Variants in CDKAL1 observed in about 807,000 individuals in gnomAD.
CDKAL1 encodes CDKAL1 threonylcarbamoyladenosine tRNA methylthiotransferase.
In CDKAL1, 32 loss-of-function variants were observed where a neutral mutation model predicts 68.2. The observed-to-expected ratio is 0.47, with a 90% CI of 0.35 to 0.63. The LOEUF is 0.63. CDKAL1 is among the 30% of genes least tolerant of loss of function. The pLI, the probability that CDKAL1 is intolerant of heterozygous loss-of-function variation, is 0.00. For missense variants in CDKAL1, 606 were observed against 696.7 expected (o/e 0.87, Z 1.47); for synonymous variants, 234 against 244.3 (o/e 0.96, Z 0.39).
chr6:20,733,318 A>G (rs966261257), intron 5 of CDKAL1, among the ~76,000 whole-genome samples: 1 of 152,158 alleles, frequency 6.6e-6, no homozygotes, highest in East Asian at 1.9e-4. Flanking sequence ...TAAACTGTGA[A>G]CTTTAGATCA....
intron 11 of CDKAL1, among the ~76,000 whole-genome samples, chr6:21,039,453 G>A (rs1265239370): frequency 6.6e-6 from 1 of 152,102 alleles, no homozygotes; most frequent in African/African-American, 2.4e-5. Context: ...TCTTGTTTCT[G>A]TACTGTTAAC....
At chr6:20,807,494 T>A (rs1401832129) in intron 8 of CDKAL1, among the ~76,000 whole-genome samples, 1 of 152,230 alleles carries the variant, frequency 6.6e-6, no homozygotes, top group Non-Finnish European at 1.5e-5. Flanking sequence ...GTGCTGGGAC[T>A]ACAGGCGCAA....
chr6:20,556,572 A>G (rs1764051013), intron 4 of CDKAL1, among the ~76,000 whole-genome samples: 1 of 152,176 alleles, frequency 6.6e-6, no homozygotes, highest in Non-Finnish European at 1.5e-5. Flanking sequence ...TTCTACACAT[A>G]ACTCTTTAAT....
intron 4 of CDKAL1, among the ~76,000 whole-genome samples, chr6:20,583,321 T>C (rs1765211475): frequency 6.6e-6 from 1 of 152,236 alleles, no homozygotes; most frequent in African/African-American, 2.4e-5. Context: ...TAATCAGTAT[T>C]GATGTCTTCA....
rs566969368 is a variant in CDKAL1 at position 20,895,813 on chromosome 6, G to A, written c.742+49635G>A. Among the ~76,000 whole-genome samples the A allele has an allele frequency of 4.2e-4, 64 of 152,160 alleles. 1 individual carries two copies. In the South Asian group the frequency reaches 0.012, roughly 30 times the overall value. The stretch of plus-strand genomic sequence containing the variant: ...CATACCCAAAAACATGTCCAGTTGC[G>A]TGATTACTATGGCAATATGCATATT... On this transcript the variant is annotated intron_variant, in intron 9 of 15. Coordinates refer to ENST00000274695, the MANE Select transcript of CDKAL1 (RefSeq NM_017774.3).
At position 20,852,421 on chromosome 6, in the gene CDKAL1, G is replaced by T. The variant is rs183662663; in HGVS notation, c.742+6243G>T. ...TATAGTAGAAATGTTTTTGACTAAT[G>T]ATAGAAATTGAAGATATATTTTCTA... On this transcript the variant is annotated intron_variant, in intron 9 of 15. Transcript: ENST00000274695. Among the ~76,000 whole-genome samples, 6 of 152,300 alleles carry T rather than the reference G, an allele frequency of 3.9e-5. No homozygotes were observed. The East Asian group carries it at 9.6e-4, about 24-fold the overall frequency.
intron 10 of CDKAL1, among the ~76,000 whole-genome samples, chr6:20,988,803 C>T (rs910105238): frequency 5.4e-5 from 8 of 147,744 alleles, no homozygotes; most frequent in Non-Finnish European, 1.2e-4. Context: ...GCACGCACCA[C>T]CACTCCCAGT....
chr6:21,218,085 A>G (rs1371040427), intron 15 of CDKAL1, among the ~76,000 whole-genome samples: 7 of 152,244 alleles, frequency 4.6e-5, no homozygotes, highest in African/African-American at 1.7e-4. Context: ...CCTTGTGGTT[A>G]GAAAGGTTTT....
intron 4 of CDKAL1, among the ~76,000 whole-genome samples, chr6:20,572,906 G>A (rs1025661648): frequency 6.6e-6 from 1 of 152,096 alleles, no homozygotes; most frequent in African/African-American, 2.4e-5. Flanking sequence ...CAGATATAGT[G>A]TATGTTTGTG....
In CDKAL1 at chr6:21,179,583, T is replaced by C. The variant is rs146819018; in HGVS notation, c.1300-18438T>C. On this transcript the variant is annotated intron_variant, in intron 13 of 15. Coordinates refer to ENST00000274695, the MANE Select transcript of CDKAL1 (RefSeq NM_017774.3). ...TGGAAAGACTTGTTTATTCATTATA[T>C]ATTTGTACAAAAATCAGAAATAAAG... Among the ~76,000 whole-genome samples the C allele has an allele frequency of 3.9e-5, 6 of 152,368 alleles. No individual in the cohort carries two copies. The East Asian group carries it at 1.2e-3, about 29-fold the overall frequency.
At chr6:20,915,347 C>T (rs1011593548) in intron 9 of CDKAL1, among the ~76,000 whole-genome samples, 4 of 152,242 alleles carry the variant, frequency 2.6e-5, no homozygotes, top group Non-Finnish European at 4.4e-5. Flanking sequence ...GAGGAACTGG[C>T]TCTCACGACT....
chr6:21,122,174 A>G lies in CDKAL1; in HGVS notation c.1299+13711A>G, dbSNP rs142522261. Among the ~76,000 whole-genome samples the G allele has an allele frequency of 2.0e-3, 304 of 152,358 alleles. 2 individuals are homozygous for G. Among genetic ancestry groups the G allele is most frequent in the African/African-American group, 7.0e-3 (291 of 41,588 alleles). ...TTTTACGTAATCTGTACAGGATCCT[A>G]ATAAGAATTTGGCAAGATTTATGTA... is the stretch of plus-strand genomic sequence containing the variant. On this transcript the variant is annotated intron_variant, in intron 13 of 15. Transcript: ENST00000274695.
intron 4 of CDKAL1, among the ~76,000 whole-genome samples, chr6:20,639,860 G>A (rs1395041428): frequency 6.6e-6 from 1 of 152,158 alleles, no homozygotes; most frequent in African/African-American, 2.4e-5. Flanking sequence ...TAGTAGAGAT[G>A]GGGTTTCACC....
intron 12 of CDKAL1, 22 bp from the exon 13 acceptor site, chr6:21,108,378 GT>G (rs539977788): frequency 1.3e-5 from 20 of 1,557,600 alleles, no homozygotes; most frequent in African/African-American, 1.4e-5. Flanking sequence ...TTGGTTTTTT[GT>G]TTTTTTTGTT....
chr6:20,821,342 T>A (rs1339429914), intron 8 of CDKAL1, among the ~76,000 whole-genome samples: 1 of 151,978 alleles, frequency 6.6e-6, no homozygotes, highest in Non-Finnish European at 1.5e-5. Flanking sequence ...GGAAACAGCA[T>A]CCTAGGGTAA....
At chr6:21,196,744 G>C (rs1246041209) in intron 13 of CDKAL1, among the ~76,000 whole-genome samples, 2 of 152,166 alleles carry the variant, frequency 1.3e-5, no homozygotes, top group Non-Finnish European at 2.9e-5. Context: ...AAATTATCTT[G>C]CCAGTGGGCT....
rs529902663 is a variant in CDKAL1, at chr6:20,725,750, C to G, written c.372-13769C>G. ...GGTCAGCTGAGATCATGCCATTGTG[C>G]TGCAGCCTGGGCAACAAGAGTGAAA... On this transcript the variant is annotated intron_variant, in intron 5 of 15. Transcript: ENST00000274695. Among the ~76,000 whole-genome samples, 11 of 146,598 alleles carry G rather than the reference C, an allele frequency of 7.5e-5. No individual in the cohort carries two copies. In the South Asian group the frequency reaches 1.3e-3, roughly 17 times the overall value.
intron 10 of CDKAL1, among the ~76,000 whole-genome samples, chr6:20,989,409 G>A (rs1429113133): frequency 6.6e-6 from 1 of 152,180 alleles, no homozygotes; most frequent in Non-Finnish European, 1.5e-5. Context: ...CCATTTTTCT[G>A]TGTACTGCTT....
chr6:20,896,752 T>C (rs899290547), intron 9 of CDKAL1, among the ~76,000 whole-genome samples: 2 of 152,142 alleles, frequency 1.3e-5, no homozygotes, highest in African/African-American at 2.4e-5. Context: ...CTACCAGATA[T>C]TACCAAGTTG....
Sources: gnomAD v4.1 joint callset for allele counts (sites outside exome capture counted in the v4.1 genomes callset) on GRCh38, gnomAD v4.1.1 for gene constraint, MANE v1.5 for transcripts, NCBI Gene and HGNC (gene_info 2026-07-23, HGNC 2026-07-21) for gene names.